The following PKNOX1 variants were observed in gnomAD, a reference collection of about 807,000 sequenced individuals.
The protein encoded by PKNOX1 is homeobox protein PKNOX1.
PKNOX1 carries 15 observed loss-of-function variants against 51.9 expected under a neutral mutation model. That is an observed-to-expected ratio of 0.29 (90% CI 0.19 to 0.45). The LOEUF (loss-of-function observed/expected upper bound fraction) is 0.45. Ranked by LOEUF, PKNOX1 falls within the 20% of genes least tolerant of loss-of-function variation. PKNOX1 has a pLI of 1.00. For missense variants in PKNOX1, 462 were observed against 547.5 expected (o/e 0.84, Z 1.56); for synonymous variants, 219 against 211.1 (o/e 1.04, Z -0.32).
At chr21:43,015,388 G>C (rs1248847834) in intron 5 of PKNOX1, among the ~76,000 whole-genome samples, 1 of 152,136 alleles carries the variant, frequency 6.6e-6, no homozygotes, top group Non-Finnish European at 1.5e-5. Context: ...TACATGGATT[G>C]GTTTTTTGAA....
chr21:42,977,275 G>A (rs1261751512), intron 1 of PKNOX1, among the ~76,000 whole-genome samples: 1 of 152,172 alleles, frequency 6.6e-6, no homozygotes, highest in Non-Finnish European at 1.5e-5. Flanking sequence ...TAACAAGAGA[G>A]CCAGCTTGCC....
intron 4 of PKNOX1, 149 bp downstream of exon 4, chr21:43,010,373 G>C (rs1453040448): frequency 4.2e-6 from 2 of 471,056 alleles, no homozygotes; most frequent in Non-Finnish European, 7.4e-6. Context: ...TGTGTGTAAT[G>C]TGGATATCCC....
intron 1 of PKNOX1, among the ~76,000 whole-genome samples, chr21:43,002,409 CT>C (rs79701585): frequency 0.76 from 106,660 of 139,922 alleles, 41,350 homozygotes; most frequent in Non-Finnish European, 0.81. Context: ...ACTGTGCCCC[CT>C]CCCTTGTATC....
chr21:43,008,943 C>T (rs1979118630), intron 3 of PKNOX1, among the ~76,000 whole-genome samples: 1 of 152,192 alleles, frequency 6.6e-6, no homozygotes, highest in South Asian at 2.1e-4. Context: ...AAGCTGGAAA[C>T]AGTGCCCATG....
In PKNOX1 at chr21:42,974,648, TGAA is replaced by T. The variant is rs2058981991; in HGVS notation, c.-70_-68del. On this transcript the variant is annotated 5_prime_UTR_variant, in exon 1 of 11. Coordinates refer to ENST00000291547, the MANE Select transcript of PKNOX1 (RefSeq NM_004571.5). ...TTGCTGCAGCCGCTTGTCAGTGTGA[TGAA>T]GATTGGCACCCAGGTAAGCTGTCAC... 6.4e-6 allele frequency: 1 copy of T among 157,442 alleles called. No individual in the cohort carries two copies. Among genetic ancestry groups the T allele is most frequent in the Non-Finnish European group, 1.4e-5 (1 of 72,500 alleles). 9.8% of individuals were successfully genotyped at this position (157,442 alleles called of 1,614,324 possible).
chr21:42,990,139 G>A (rs912244532), intron 1 of PKNOX1, among the ~76,000 whole-genome samples: 3 of 151,886 alleles, frequency 2.0e-5, no homozygotes, highest in Non-Finnish European at 4.4e-5. Flanking sequence ...CAGTGTGCCT[G>A]TAATCCCAGC....
intron 1 of PKNOX1, among the ~76,000 whole-genome samples, chr21:42,978,892 G>A (rs2059012201): frequency 6.6e-6 from 1 of 152,132 alleles, no homozygotes; most frequent in South Asian, 2.1e-4. Context: ...ATGATCCACT[G>A]TTCCTGGCCT....
chr21:43,021,362 G>A lies in PKNOX1; in HGVS notation c.780G>A (p.Lys260=), dbSNP rs1438547004. 6.2e-7 allele frequency: 1 copy of A among 1,613,334 alleles called. No homozygotes were observed. The highest frequency in any genetic ancestry group is 8.5e-7 in the Non-Finnish European group (1 of 1,179,462). The change falls in exon 8 of 11, where the codon AAG becomes AAA. Residue 260 remains lysine, a synonymous_variant. Coordinates refer to ENST00000291547, the MANE Select transcript of PKNOX1 (RefSeq NM_004571.5). This position sits in a 1 kb window ranked among gnomAD's most constrained non-coding sequence, Gnocchi z 4.6. ...TGCATCAAGATGATGGTTCATCTAAGAACAAGAGGGGCGTCCTGCCAAAGC... is the reference window on the plus strand; with the variant it reads ...TGCATCAAGATGATGGTTCATCTAAAAACAAGAGGGGCGTCCTGCCAAAGC... The part of the protein sequence containing the change: ...SILHQDDGSS[K]NKRGVLPKHA...
intron 1 of PKNOX1, among the ~76,000 whole-genome samples, chr21:42,982,127 A>G (rs936579181): frequency 6.6e-6 from 1 of 151,770 alleles, no homozygotes; most frequent in African/African-American, 2.4e-5. Flanking sequence ...CCCTCACACC[A>G]CCTACCAGGC....
chr21:42,981,755 C>A (rs1433687675), intron 1 of PKNOX1, among the ~76,000 whole-genome samples: 1 of 152,124 alleles, frequency 6.6e-6, no homozygotes, highest in African/African-American at 2.4e-5. Flanking sequence ...GCGATTGACG[C>A]TGGAATGATT....
chr21:43,009,988 C>A, intron 3 of PKNOX1, 65 bp from the exon 4 acceptor site: 1 of 1,009,588 alleles, frequency 9.9e-7, no homozygotes. Context: ...TGCAGGCATA[C>A]ACGCAAAGAC....
At chr21:43,027,045 G>A (rs1980012960) in intron 9 of PKNOX1, among the ~76,000 whole-genome samples, 1 of 152,174 alleles carries the variant, frequency 6.6e-6, no homozygotes, top group Admixed American at 6.5e-5. Context: ...AGTTGTCACA[G>A]TGACAAACCA....
chr21:43,017,076 G>A (rs753242667), intron 6 of PKNOX1, 69 bp downstream of exon 6: 9 of 1,002,226 alleles, frequency 9.0e-6, no homozygotes, highest in African/African-American at 1.6e-5. Flanking sequence ...GTGTTAGAAT[G>A]ACAGTATAAA....
At chr21:43,007,090 C>T (rs539507832) in intron 2 of PKNOX1, among the ~76,000 whole-genome samples, 183 of 152,174 alleles carry the variant, frequency 1.2e-3, no homozygotes, top group African/African-American at 3.5e-3. Context: ...AAATATGTAG[C>T]GTATGGGTTA....
intron 1 of PKNOX1, among the ~76,000 whole-genome samples, chr21:42,979,823 C>T (rs1308571005): frequency 1.3e-5 from 2 of 152,208 alleles, no homozygotes; most frequent in Non-Finnish European, 2.9e-5. Context: ...ACTACAGATG[C>T]TCCCAGTGCC....
At chr21:43,007,717 T>A in intron 3 of PKNOX1, 99 bp downstream of exon 3, 2 of 1,329,308 alleles carry the variant, frequency 1.5e-6, no homozygotes, top group Non-Finnish European at 2.1e-6. Context: ...GGCAGAGTTG[T>A]GAGGTGCCAT....
chr21:42,978,779 C>T (rs775139585), intron 1 of PKNOX1, among the ~76,000 whole-genome samples: 18 of 151,752 alleles, frequency 1.2e-4, no homozygotes, highest in South Asian at 2.1e-4. Context: ...CCACCGCACC[C>T]AGCCCTTTTT....
In PKNOX1 at chr21:43,033,099, G is replaced by A. The variant is rs1176323322; in HGVS notation, c.*2998G>A. ...TGAGACCCAAATTGAGCATGTTGCT[G>A]TTATTCCTGCCCTGCACCTGTGGAG... On this transcript the variant is annotated 3_prime_UTR_variant, in exon 11 of 11. Transcript: ENST00000291547. 1 of 152,242 alleles carries A rather than the reference G, an allele frequency of 6.6e-6. No individual in the cohort carries two copies. The highest frequency in any genetic ancestry group is 1.5e-5 in the Non-Finnish European group (1 of 68,046). 9.4% of individuals were successfully genotyped at this position (152,242 alleles called of 1,614,324 possible). A position where few individuals can be genotyped will look rare whatever the true frequency, so the allele number is the denominator to read the frequency against.
In PKNOX1 at chr21:43,016,914, C is replaced by A; in HGVS notation, c.529C>A (p.Gln177Lys). The A allele has an allele frequency of 6.2e-7, 1 of 1,600,804 alleles. No homozygotes were observed. Among genetic ancestry groups the A allele is most frequent in the South Asian group, 1.1e-5 (1 of 90,606 alleles). Residue 177 changes from glutamine to lysine, a missense_variant, in exon 6 of 11, where the codon CAA (glutamine) becomes AAA (lysine). Gln to Lys is a moderately conservative substitution (Grantham distance 53). Transcript: ENST00000291547. ...PYSPVQSQQI[Q>K]SAITGTISPQ... ...TGTGTGTTCTGACTTGCAGCAGATT[C>A]AAAGTGCCATCACAGGCACCATCAG... is the stretch of plus-strand genomic sequence containing the variant.
Sources: gnomAD v4.1 joint callset for allele counts (sites outside exome capture counted in the v4.1 genomes callset) on GRCh38, gnomAD v4.1.1 for gene constraint, Gnocchi (gnomAD v3.1) non-coding constraint, MANE v1.5 for transcripts, NCBI Gene and HGNC (gene_info 2026-07-23, HGNC 2026-07-21) for gene names.